Variants in SGCD observed in about 807,000 individuals in gnomAD.
SGCD encodes the protein sarcoglycan delta, also known as delta-sarcoglycan.
SGCD carries 18 observed loss-of-function variants against 36.6 expected under a neutral mutation model. The ratio of observed to expected loss-of-function variants is 0.49; its 90% CI spans 0.34 to 0.73. SGCD has a LOEUF of 0.73. Among genes scored for constraint, SGCD ranks in the 30% least tolerant of loss-of-function variants. The pLI, the probability that SGCD is intolerant of heterozygous loss-of-function variation, is 0.01. For synonymous variants in SGCD, 133 were observed against 130.6 expected, an observed-to-expected ratio of 1.02 and a Z score of -0.12; for missense variants, 387 against 346.7, an observed-to-expected ratio of 1.12 and a Z score of -0.92.
chr5:156,667,630 A>T (rs1581365840), intron 7 of SGCD, among the ~76,000 whole-genome samples: 1 of 152,340 alleles, frequency 6.6e-6, no homozygotes, highest in East Asian at 1.9e-4. Flanking sequence ...GTTGGTCAGT[A>T]GTCTGTACTC....
intron 3 of SGCD, among the ~76,000 whole-genome samples, chr5:156,381,618 T>C (rs1715305249): frequency 1.3e-5 from 2 of 152,200 alleles, no homozygotes; most frequent in Non-Finnish European, 2.9e-5. Flanking sequence ...CATTTTATAT[T>C]TCTATATGAC....
At chr5:156,231,146 A>G (rs1765005009) in intron 3 of SGCD, among the ~76,000 whole-genome samples, 1 of 152,214 alleles carries the variant, frequency 6.6e-6, no homozygotes, top group African/African-American at 2.4e-5. Context: ...GTGGTTTCAG[A>G]GGTTCATAAT....
intron 3 of SGCD, among the ~76,000 whole-genome samples, chr5:156,320,078 G>T (rs1422322904): frequency 6.7e-6 from 1 of 148,484 alleles, no homozygotes. Flanking sequence ...TGAATTATTT[G>T]TCTTTGACAG....
chr5:155,890,669 T>TAGATAGATAGATAGAC (rs1360594680), intron 1 of SGCD, among the ~76,000 whole-genome samples: 8 of 150,452 alleles, frequency 5.3e-5, no homozygotes, highest in Non-Finnish European at 1.0e-4. Context: ...GATAGATAGA[T>TAGATAGATAGATAGAC]AGATAGATAG....
chr5:156,188,851 T>C (rs1763825873), intron 3 of SGCD, among the ~76,000 whole-genome samples: 1 of 152,208 alleles, frequency 6.6e-6, no homozygotes, highest in African/African-American at 2.4e-5. Context: ...AATTAATCTC[T>C]GATCCATTCA....
intron 6 of SGCD, among the ~76,000 whole-genome samples, chr5:156,630,935 T>A (rs988329581): frequency 6.6e-6 from 1 of 152,168 alleles, no homozygotes; most frequent in Non-Finnish European, 1.5e-5. Flanking sequence ...ATTAAATATA[T>A]ATTTCTTTAT....
chr5:156,518,735 C>G (rs970445846), intron 4 of SGCD, among the ~76,000 whole-genome samples: 3 of 152,152 alleles, frequency 2.0e-5, no homozygotes, highest in African/African-American at 4.8e-5. Context: ...GGAAATTGAG[C>G]AACCTGTTCC....
chr5:156,570,961 C>T (rs141211925), intron 4 of SGCD, among the ~76,000 whole-genome samples: 107 of 152,248 alleles, frequency 7.0e-4, no homozygotes, highest in African/African-American at 2.4e-3. Context: ...CAATTTTGTA[C>T]ATGTTATGGA....
intron 4 of SGCD, among the ~76,000 whole-genome samples, chr5:156,580,183 G>A (rs190386440): frequency 4.1e-4 from 62 of 152,200 alleles, no homozygotes; most frequent in East Asian, 3.9e-3. Flanking sequence ...AGCTTATTTC[G>A]GCTGAATATG....
intron 1 of SGCD, among the ~76,000 whole-genome samples, chr5:156,025,653 A>G (rs1310311276): frequency 6.6e-6 from 1 of 152,192 alleles, no homozygotes; most frequent in Non-Finnish European, 1.5e-5. Context: ...CACTGCAGCT[A>G]TAAGCATCAT....
rs151124068 is a variant in SGCD at position 155,968,708 on chromosome 5, G to A, written c.-282+98284G>A. On this transcript the variant is annotated intron_variant, in intron 1 of 9. Transcript: ENST00000517913. ...GGAACGTATCCTCCTCAGATAAGGG[G>A]GGACTGCCATACATTCTTCTTACGA... Among the ~76,000 whole-genome samples, 708 of 152,090 alleles carry A rather than the reference G, an allele frequency of 4.7e-3. 6 individuals carry two copies. Among genetic ancestry groups the A allele is most frequent in the Non-Finnish European group, 5.0e-3 (340 of 67,982 alleles).
intron 3 of SGCD, among the ~76,000 whole-genome samples, chr5:156,165,727 CA>C (rs1763197057): frequency 6.6e-6 from 1 of 152,182 alleles, no homozygotes; most frequent in Non-Finnish European, 1.5e-5. Context: ...CTAAACACAT[CA>C]AACTGTTTGA....
In SGCD at chr5:156,759,379, G is replaced by A; in HGVS notation, c.862G>A (p.Val288Ile). 6.2e-7 allele frequency: 1 copy of A among 1,607,978 alleles called. No homozygotes were observed. Among genetic ancestry groups the A allele is most frequent in the Non-Finnish European group, 8.5e-7 (1 of 1,175,366 alleles). ...GTCCACTTGTCAGATAAACACAAGT[G>A]TCTGCCTCTGAAAGACTATCCATAG... is the stretch of plus-strand genomic sequence containing the variant. ...AGSTCQINTSVCL is the reference protein window; with the variant it reads ...AGSTCQINTSICL Residue 288 changes from valine to isoleucine, a missense_variant, in exon 9 of 9, where the codon GTC (valine) becomes ATC (isoleucine). By Grantham distance (29) the Val-to-Ile change is conservative (BLOSUM62 3). Coordinates refer to ENST00000337851, the MANE Select transcript of SGCD (RefSeq NM_000337.6).
At chr5:156,225,804 A>G (rs72811735) in intron 3 of SGCD, among the ~76,000 whole-genome samples, 2,466 of 152,220 alleles carry the variant, frequency 0.016, 32 homozygotes, top group Non-Finnish European at 0.025. Flanking sequence ...AGAAAAGCAC[A>G]GATAATAAAT....
chr5:156,098,364 A>T (rs2127596030), intron 1 of SGCD, among the ~76,000 whole-genome samples: 1 of 152,192 alleles, frequency 6.6e-6, no homozygotes, highest in African/African-American at 2.4e-5. Flanking sequence ...AAATTCTAGA[A>T]TTTTCTGAGA....
chr5:155,909,980 A>G (rs1263489989), intron 1 of SGCD, among the ~76,000 whole-genome samples: 1 of 152,150 alleles, frequency 6.6e-6, no homozygotes, highest in Non-Finnish European at 1.5e-5. Flanking sequence ...TAACCATATT[A>G]ATGGAAGGCT....
At chr5:156,069,905 G>C (rs921313217) in intron 1 of SGCD, among the ~76,000 whole-genome samples, 1 of 152,012 alleles carries the variant, frequency 6.6e-6, no homozygotes, top group African/African-American at 2.4e-5. Flanking sequence ...GTGAATGGGA[G>C]TTCACTCATG....
At chr5:156,477,700 A>G (rs1250069602) in intron 3 of SGCD, among the ~76,000 whole-genome samples, 1 of 151,766 alleles carries the variant, frequency 6.6e-6, no homozygotes, top group Non-Finnish European at 1.5e-5. Flanking sequence ...AAAAAAAAAA[A>G]AAAAGTGATG....
intron 1 of SGCD, among the ~76,000 whole-genome samples, chr5:156,114,789 T>C (rs895549140): frequency 2.0e-5 from 3 of 152,146 alleles, no homozygotes; most frequent in Non-Finnish European, 2.9e-5. Context: ...TTTAAAGATA[T>C]ATTGATTAAT....
Sources: allele counts gnomAD v4.1 joint callset (sites outside exome capture counted in the v4.1 genomes callset), GRCh38; gene constraint gnomAD v4.1.1; transcripts MANE v1.5; gene names NCBI Gene and HGNC (gene_info 2026-07-23, HGNC 2026-07-21).